Variants in NALF1 observed in about 807,000 individuals in gnomAD.
NALF1 encodes the protein family with sequence similarity 155 member A.
Under a neutral mutation model 48.4 loss-of-function variants are expected in NALF1, and 3 were observed. The ratio of observed to expected loss-of-function variants is 0.06; its 90% CI spans 0.03 to 0.16. The LOEUF (loss-of-function observed/expected upper bound fraction) is 0.16. NALF1 is among the 10% of genes least tolerant of loss of function. The pLI is 1.00. For synonymous variants in NALF1, 262 were observed against 245.7 expected (o/e 1.07, Z -0.62); for missense variants, 526 against 571.5 (o/e 0.92, Z 0.81).
intron 1 of NALF1, among the ~76,000 whole-genome samples, chr13:107,770,713 T>TTAA (rs1428289638): frequency 5.9e-5 from 9 of 152,238 alleles, no homozygotes; most frequent in African/African-American, 2.2e-4. Context: ...GGAAGACATG[T>TTAA]TAATGGCCTG....
chr13:107,631,286 A>AAACCT lies in NALF1; in HGVS notation c.915+234395_915+234396insAGGTT. 2.0e-5 allele frequency among the ~76,000 whole-genome samples: 3 copies of AAACCT among 152,236 alleles called. No homozygotes were observed. In the East Asian group the frequency reaches 5.8e-4, roughly 29 times the overall value. On this transcript the variant is annotated intron_variant, in intron 1 of 2. Transcript: ENST00000375915. ...TTGCTATACTGGAGACCTGGGTTGA[A>AAACCT]GACCTGCTTGCTATACTGGAGACCT... is the stretch of plus-strand genomic sequence containing the variant.
intron 1 of NALF1, among the ~76,000 whole-genome samples, chr13:107,214,947 ACT>A (rs1010468470): frequency 6.6e-6 from 1 of 151,996 alleles, no homozygotes; most frequent in African/African-American, 2.4e-5. Flanking sequence ...GTGGAATTCA[ACT>A]CTCTCCACAG....
At chr13:107,420,910 T>G (rs1884174742) in intron 1 of NALF1, among the ~76,000 whole-genome samples, 1 of 152,264 alleles carries the variant, frequency 6.6e-6, no homozygotes, top group African/African-American at 2.4e-5. Context: ...TTTTCATGTT[T>G]CTCGTATTTC....
At chr13:107,207,892 A>G (rs531259306) in intron 2 of NALF1, among the ~76,000 whole-genome samples, 41 of 152,226 alleles carry the variant, frequency 2.7e-4, no homozygotes, top group African/African-American at 9.4e-4. Flanking sequence ...GCTTCAAGCA[A>G]TTCTCCTATC....
At chr13:107,219,038 C>T (rs1007655236) in intron 1 of NALF1, among the ~76,000 whole-genome samples, 3 of 152,158 alleles carry the variant, frequency 2.0e-5, no homozygotes, top group Non-Finnish European at 2.9e-5. Flanking sequence ...GAAGGAAGAT[C>T]TCTTTTAACA....
At chr13:107,211,877 G>C (rs1048740198) in intron 1 of NALF1, among the ~76,000 whole-genome samples, 1 of 151,848 alleles carries the variant, frequency 6.6e-6, no homozygotes, top group Admixed American at 6.6e-5. Context: ...TTTTCCATGT[G>C]ATTCTCAGCA....
At chr13:107,649,073 G>A (rs948522634) in intron 1 of NALF1, among the ~76,000 whole-genome samples, 2 of 151,888 alleles carry the variant, frequency 1.3e-5, no homozygotes, top group Non-Finnish European at 2.9e-5. Flanking sequence ...TTTACATTTT[G>A]GATAAAAGTC....
intron 1 of NALF1, among the ~76,000 whole-genome samples, chr13:107,807,770 C>T (rs905659028): frequency 6.6e-6 from 1 of 152,060 alleles, no homozygotes; most frequent in African/African-American, 2.4e-5. Flanking sequence ...ATAATGACTG[C>T]TAATTTGCAG....
At chr13:107,456,348 T>A (rs1884825918) in intron 1 of NALF1, among the ~76,000 whole-genome samples, 2 of 152,224 alleles carry the variant, frequency 1.3e-5, no homozygotes, top group Admixed American at 1.3e-4. Context: ...CCCATGACAT[T>A]TATAATTAAT....
intron 1 of NALF1, among the ~76,000 whole-genome samples, chr13:107,389,331 T>C (rs1362043177): frequency 1.3e-5 from 2 of 152,222 alleles, no homozygotes; most frequent in African/African-American, 2.4e-5. Context: ...ACAGGGTCTT[T>C]ACCGAGGGAA....
intron 1 of NALF1, among the ~76,000 whole-genome samples, chr13:107,698,228 T>C (rs1014202025): frequency 1.3e-5 from 2 of 152,176 alleles, no homozygotes; most frequent in African/African-American, 2.4e-5. Flanking sequence ...AAAAGTAATA[T>C]AGTCAATATC....
intron 1 of NALF1, among the ~76,000 whole-genome samples, chr13:107,810,031 G>A (rs566234827): frequency 5.9e-5 from 9 of 151,774 alleles, no homozygotes; most frequent in Admixed American, 1.3e-4. Flanking sequence ...TCCTAGGACC[G>A]CATCATACTA....
intron 1 of NALF1, among the ~76,000 whole-genome samples, chr13:107,570,325 C>G (rs1237708244): frequency 1.3e-5 from 2 of 151,874 alleles, no homozygotes; most frequent in African/African-American, 4.8e-5. Context: ...TAGATACAGA[C>G]TTTATATTGA....
chr13:107,251,695 G>A (rs904532437), intron 1 of NALF1, among the ~76,000 whole-genome samples: 1 of 152,192 alleles, frequency 6.6e-6, no homozygotes, highest in Non-Finnish European at 1.5e-5. Flanking sequence ...AGTTAGCTAT[G>A]TCAGGAGGAT....
chr13:107,671,038 T>C (rs1452048664), intron 1 of NALF1, among the ~76,000 whole-genome samples: 1 of 152,126 alleles, frequency 6.6e-6, no homozygotes, highest in Non-Finnish European at 1.5e-5. Flanking sequence ...GATGTGCAAC[T>C]TCCTTATCAA....
intron 1 of NALF1, among the ~76,000 whole-genome samples, chr13:107,236,717 CTATCTATCTATCTAT>C (rs1880355177): frequency 6.7e-6 from 1 of 149,920 alleles, no homozygotes; most frequent in African/African-American, 2.5e-5. Flanking sequence ...ATCTATCTAT[CTATCTATCTATCTAT>C]CTATCATCTA....
intron 1 of NALF1, among the ~76,000 whole-genome samples, chr13:107,295,439 G>T (rs1881707238): frequency 6.6e-6 from 1 of 152,130 alleles, no homozygotes; most frequent in South Asian, 2.1e-4. Context: ...TGAATAGTAT[G>T]CAGTGCATTT....
At chr13:107,685,839 A>G (rs1371940033) in intron 1 of NALF1, among the ~76,000 whole-genome samples, 1 of 152,228 alleles carries the variant, frequency 6.6e-6, no homozygotes, top group East Asian at 1.9e-4. Flanking sequence ...TTTGAGCAGG[A>G]TATTTTGAGC....
At chr13:107,808,877 G>A (rs61967470) in intron 1 of NALF1, among the ~76,000 whole-genome samples, 9,131 of 151,908 alleles carry the variant, frequency 0.06, 419 homozygotes, top group Non-Finnish European at 0.089. Context: ...TTCACTAGAT[G>A]GTCCTATACA....
Sources: allele counts gnomAD v4.1 joint callset (sites outside exome capture counted in the v4.1 genomes callset), GRCh38; gene constraint gnomAD v4.1.1; transcripts MANE v1.5; gene names NCBI Gene and HGNC (gene_info 2026-07-23, HGNC 2026-07-21).